TSPAN9: variants seen among roughly 807,000 people sequenced by gnomAD.
The protein encoded by TSPAN9 is tetraspanin-9.
TSPAN9 carries 16 observed loss-of-function variants against 31.0 expected under a neutral mutation model. The ratio of observed to expected loss-of-function variants is 0.52; its 90% CI spans 0.35 to 0.78. TSPAN9 has a LOEUF of 0.78. TSPAN9 is among the 30% of genes least tolerant of loss of function. The probability of loss-of-function intolerance (pLI) is 0.01; values close to 1 mark genes in which losing one functional copy is unlikely to be tolerated. For synonymous variants in TSPAN9, 145 were observed against 121.6 expected, an observed-to-expected ratio of 1.19 and a Z score of -1.27; for missense variants, 272 against 312.5, an observed-to-expected ratio of 0.87 and a Z score of 0.98.
chr12:3,166,865 C>T (rs2098348695), intron 2 of TSPAN9, among the ~76,000 whole-genome samples: 1 of 152,162 alleles, frequency 6.6e-6, no homozygotes, highest in Admixed American at 6.5e-5. Context: ...GGCGCGATCT[C>T]GGCTCACTGC....
chr12:3,167,521 C>T (rs143399099), intron 2 of TSPAN9, among the ~76,000 whole-genome samples: 2,557 of 152,258 alleles, frequency 0.017, 28 homozygotes, highest in Non-Finnish European at 0.026. Flanking sequence ...TAGGATGGTG[C>T]TTGGTGTACA....
chr12:3,149,671 CACAGG>C (rs58849211), intron 2 of TSPAN9: 13,492 of 152,154 alleles, frequency 0.089, 613 homozygotes, highest in East Asian at 0.13. Flanking sequence ...CTGATCTCAA[CACAGG>C]ACAGGATGGG....
At chr12:3,114,445 T>C (rs905392232) in intron 2 of TSPAN9, among the ~76,000 whole-genome samples, 9 of 152,152 alleles carry the variant, frequency 5.9e-5, no homozygotes, top group African/African-American at 2.2e-4. Flanking sequence ...ATAGCATGTG[T>C]TTAATGAGTT....
chr12:3,138,842 A>C (rs1438056151), intron 2 of TSPAN9, among the ~76,000 whole-genome samples: 1 of 151,936 alleles, frequency 6.6e-6, no homozygotes, highest in Non-Finnish European at 1.5e-5. Context: ...CTTTCCCTGC[A>C]CTTATCTGAC....
At chr12:3,219,953 G>C (rs952941273) in intron 3 of TSPAN9, among the ~76,000 whole-genome samples, 1 of 151,738 alleles carries the variant, frequency 6.6e-6, no homozygotes. Flanking sequence ...TCAGGAGTTC[G>C]AGACTAGCCT....
At chr12:3,182,756 G>A (rs1405766423) in intron 2 of TSPAN9, among the ~76,000 whole-genome samples, 2 of 152,176 alleles carry the variant, frequency 1.3e-5, no homozygotes, top group Admixed American at 6.5e-5. Flanking sequence ...ACCACCAGGC[G>A]GGGATCTGTG....
chr12:3,127,792 A>G (rs2098328025), intron 2 of TSPAN9, among the ~76,000 whole-genome samples: 1 of 152,196 alleles, frequency 6.6e-6, no homozygotes, highest in African/African-American at 2.4e-5. Flanking sequence ...GTGCTGTGGT[A>G]GACATATTTT....
chr12:3,081,252 C>T (rs764939066), intron 1 of TSPAN9, among the ~76,000 whole-genome samples: 23 of 152,146 alleles, frequency 1.5e-4, no homozygotes, highest in Non-Finnish European at 2.8e-4. Flanking sequence ...TTTTCTCTGC[C>T]GTGAGGGCCC....
At chr12:3,255,788 C>G (rs949717154) in intron 3 of TSPAN9, among the ~76,000 whole-genome samples, 2 of 152,192 alleles carry the variant, frequency 1.3e-5, no homozygotes. Flanking sequence ...ATAAATGAAC[C>G]CATGAGGGTT....
intron 2 of TSPAN9, among the ~76,000 whole-genome samples, chr12:3,105,242 G>C (rs779612115): frequency 2.0e-5 from 3 of 152,162 alleles, no homozygotes; most frequent in Non-Finnish European, 4.4e-5. Flanking sequence ...GGAGGAGTGC[G>C]GCAGATGTGC....
At chr12:3,252,147 A>G (rs1862254725) in intron 3 of TSPAN9, among the ~76,000 whole-genome samples, 1 of 152,168 alleles carries the variant, frequency 6.6e-6, no homozygotes, top group African/African-American at 2.4e-5. Context: ...AAAACTCTGC[A>G]TACCTCCATG....
intron 8 of TSPAN9, 133 bp from the exon 9 acceptor site, chr12:3,282,912 A>G: frequency 1.3e-6 from 1 of 784,696 alleles, no homozygotes. Context: ...TTCATTCCAT[A>G]AGCATTTTCC....
rs909332343 is a variant in TSPAN9 at position 3,169,944 on chromosome 12, T to G, written c.-17-31233T>G. On this transcript the variant is annotated intron_variant, in intron 2 of 8. Transcript: ENST00000011898. Reference sequence around the variant, plus strand: ...GAACCCAACCATGGGGCACCTTCTCTCCTCATTTTTGCTAGGCAGCATGGG... The same window carrying G: ...GAACCCAACCATGGGGCACCTTCTCGCCTCATTTTTGCTAGGCAGCATGGG... Among the ~76,000 whole-genome samples, 4 of 147,132 alleles carry G rather than the reference T, an allele frequency of 2.7e-5. No individual in the cohort carries two copies. The East Asian group carries it at 6.1e-4, about 22-fold the overall frequency.
rs920754089 is a variant in TSPAN9 at position 3,187,288 on chromosome 12, G to A, written c.-17-13889G>A. ...CAGGATTGGCAGGGCTTGTCCTTTG[G>A]TGTTGTGATGTGGGGCGTCTCTGCT... On this transcript the variant is annotated intron_variant, in intron 2 of 8. Transcript: ENST00000011898. This position sits in a 1 kb window ranked among gnomAD's most constrained non-coding sequence, Gnocchi z 5.2. 3.3e-5 allele frequency among the ~76,000 whole-genome samples: 5 copies of A among 152,164 alleles called. No individual in the cohort carries two copies. Among genetic ancestry groups the A allele is most frequent in the African/African-American group, 1.2e-4 (5 of 41,428 alleles).
chr12:3,228,261 G>A (rs1400940847), intron 3 of TSPAN9, among the ~76,000 whole-genome samples: 1 of 152,132 alleles, frequency 6.6e-6, no homozygotes. Flanking sequence ...GCTACTTGGG[G>A]GGCTGAGGCT....
intron 2 of TSPAN9, chr12:3,173,870 C>T (rs2098353524): frequency 6.6e-6 from 1 of 152,204 alleles, no homozygotes; most frequent in East Asian, 1.9e-4. Flanking sequence ...AAATTATAAG[C>T]TGCTTGAAAA....
chr12:3,226,786 A>ATTTTTTT (rs2098387988), intron 3 of TSPAN9, among the ~76,000 whole-genome samples: 2 of 5,644 alleles, frequency 3.5e-4, no homozygotes, highest in Non-Finnish European at 5.6e-4. Flanking sequence ...ATATATATAT[A>ATTTTTTT]TATATATATT....
At chr12:3,219,545 C>T (rs2098383194) in intron 3 of TSPAN9, among the ~76,000 whole-genome samples, 1 of 152,194 alleles carries the variant, frequency 6.6e-6, no homozygotes, top group South Asian at 2.1e-4. Context: ...AGACAGGCAG[C>T]TCTCTCAAAT....
chr12:3,210,012 T>C (rs1167564787), intron 3 of TSPAN9, among the ~76,000 whole-genome samples: 3 of 137,412 alleles, frequency 2.2e-5, no homozygotes, highest in African/African-American at 8.1e-5. Context: ...GGCGGGTGCC[T>C]GTAGTCCCAA....
Sources: gnomAD v4.1 joint callset for allele counts (sites outside exome capture counted in the v4.1 genomes callset) on GRCh38, gnomAD v4.1.1 for gene constraint, Gnocchi (gnomAD v3.1) non-coding constraint, MANE v1.5 for transcripts, NCBI Gene and HGNC (gene_info 2026-07-23, HGNC 2026-07-21) for gene names.